TP73: variants seen among roughly 807,000 people sequenced by gnomAD.
TP73 encodes the protein p53-like transcription factor.
In TP73, 25 loss-of-function variants were observed where a neutral mutation model predicts 62.5. The observed-to-expected ratio is 0.40, with a 90% CI of 0.29 to 0.56. The LOEUF is 0.56. TP73 is among the 20% of genes least tolerant of loss of function. The probability of loss-of-function intolerance (pLI) is 0.46; values close to 1 mark genes in which losing one functional copy is unlikely to be tolerated. For synonymous variants in TP73, 423 were observed against 377.5 expected, an observed-to-expected ratio of 1.12 and a Z score of -1.40; for missense variants, 754 against 913.3, an observed-to-expected ratio of 0.83 and a Z score of 2.25.
rs974720666 is a variant in TP73 at position 3,663,258 on chromosome 1, C to T, written c.-34+10617C>T. On this transcript the variant is annotated intron_variant, in intron 1 of 13. Coordinates refer to ENST00000378295, the MANE Select transcript of TP73 (RefSeq NM_005427.4). The surrounding 1 kb of genome is among the most constrained non-coding windows in gnomAD (Gnocchi z 4.7). ...TGCCTATCACGAGCCTGGTGGCTGC[C>T]GTACCAGTAATGAAAGACAAGTTAA... Among the ~76,000 whole-genome samples, 2 of 152,146 alleles carry T rather than the reference C, an allele frequency of 1.3e-5. No individual in the cohort carries two copies. The highest frequency in any genetic ancestry group is 2.4e-5 in the African/African-American group (1 of 41,426).
At chr1:3,680,105 C>T (rs1275401050) in intron 1 of TP73, among the ~76,000 whole-genome samples, 2 of 152,176 alleles carry the variant, frequency 1.3e-5, no homozygotes, top group Non-Finnish European at 2.9e-5. Context: ...GTCTCTCTGT[C>T]TCTGTCTCTC....
rs760770761 is a variant in TP73 at position 3,672,873 on chromosome 1, C to G, written c.-33-9460C>G. Among the ~76,000 whole-genome samples the G allele has an allele frequency of 1.3e-5, 2 of 152,118 alleles. No homozygotes were observed. Among genetic ancestry groups the G allele is most frequent in the Admixed American group, 1.3e-4 (2 of 15,272 alleles). On this transcript the variant is annotated intron_variant, in intron 1 of 13. Transcript: ENST00000378295. This position sits in a 1 kb window ranked among gnomAD's most constrained non-coding sequence, Gnocchi z 5.3. ...TTAGAGGAAGCTCAGCCCATCAGGC[C>G]GCTCATGCTTCTGACCCCACCTCCA...
At chr1:3,684,809 C>T (rs573138499) in intron 3 of TP73, among the ~76,000 whole-genome samples, 2 of 148,030 alleles carry the variant, frequency 1.4e-5, no homozygotes, top group South Asian at 2.3e-4. Context: ...ACAGTGTCTG[C>T]GCGTGTTCTA....
rs912193178 is a variant in TP73, at chr1:3,666,572, G to A, written c.-34+13931G>A. ...GTGAAGGTGGGTGCGTGGGCGGGGG[G>A]CTTTTAATGGTCCCTCTGCTGGCTC... On this transcript the variant is annotated intron_variant, in intron 1 of 13. Coordinates refer to ENST00000378295, the MANE Select transcript of TP73 (RefSeq NM_005427.4). The surrounding 1 kb of genome is among the most constrained non-coding windows in gnomAD (Gnocchi z 6.4). 1.3e-5 allele frequency among the ~76,000 whole-genome samples: 2 copies of A among 152,102 alleles called. No homozygotes were observed. The highest frequency in any genetic ancestry group is 2.9e-5 in the Non-Finnish European group (2 of 68,004).
chr1:3,656,665 C>A (rs1374155479), intron 1 of TP73, among the ~76,000 whole-genome samples: 4 of 152,214 alleles, frequency 2.6e-5, no homozygotes, highest in Admixed American at 2.6e-4. Flanking sequence ...GGGACTGGGG[C>A]TGCCAAACCA....
intron 8 of TP73, 56 bp from the exon 9 acceptor site, chr1:3,728,073 A>C (rs1641822861): frequency 6.6e-7 from 1 of 1,519,386 alleles, no homozygotes; most frequent in Admixed American, 1.8e-5. Context: ...TCCCGGAAGG[A>C]GGCCTCACCC....
At chr1:3,720,995 G>A (rs1264909727) in intron 4 of TP73, among the ~76,000 whole-genome samples, 3 of 152,240 alleles carry the variant, frequency 2.0e-5, no homozygotes, top group African/African-American at 7.2e-5. Context: ...GGCATGGGGT[G>A]GCAGCAGAAG....
chr1:3,727,934 G>A (rs780161820), intron 8 of TP73, among the ~76,000 whole-genome samples, 164 bp downstream of exon 8: 1 of 152,158 alleles, frequency 6.6e-6, no homozygotes, highest in Non-Finnish European at 1.5e-5. Flanking sequence ...CATATAAGTC[G>A]CTTGTCCTGG....
At chr1:3,703,375 G>T (rs536366589) in intron 3 of TP73, among the ~76,000 whole-genome samples, 4 of 152,272 alleles carry the variant, frequency 2.6e-5, no homozygotes, top group African/African-American at 4.8e-5. Context: ...CGACATCGGG[G>T]CCCTGCCTGA....
rs868581881 is a variant in TP73 at position 3,735,570 on chromosome 1, C to A, written c.*2491C>A. 2 of 152,220 alleles carry A rather than the reference C, an allele frequency of 1.3e-5. No homozygotes were observed. The highest frequency in any genetic ancestry group is 2.9e-5 in the Non-Finnish European group (2 of 68,050). The allele number at this position is 152,220 out of a possible 1,614,324, so 9.4% of individuals were successfully genotyped here. A position where few individuals can be genotyped will look rare whatever the true frequency, so the allele number is the denominator to read the frequency against. ...GTGAAAGTAGACAGAGTTGAGACTT[C>A]GCCGTGGTCAGGAGAAAATGCAAAT... On this transcript the variant is annotated 3_prime_UTR_variant, in exon 14 of 14. Transcript: ENST00000378295.
chr1:3,714,887 G>A (rs1236593983), intron 4 of TP73, among the ~76,000 whole-genome samples: 1 of 152,242 alleles, frequency 6.6e-6, no homozygotes, highest in Non-Finnish European at 1.5e-5. Flanking sequence ...CCTGGAATAA[G>A]AGCAGATGGA....
At chr1:3,673,299 G>T (rs981873670) in intron 1 of TP73, among the ~76,000 whole-genome samples, 2 of 152,144 alleles carry the variant, frequency 1.3e-5, no homozygotes, top group Non-Finnish European at 1.5e-5. Context: ...TTCCGCCCCC[G>T]TGTGTGCAGT....
At chr1:3,674,464 G>A (rs1016904217) in intron 1 of TP73, among the ~76,000 whole-genome samples, 3 of 152,228 alleles carry the variant, frequency 2.0e-5, no homozygotes, top group African/African-American at 7.2e-5. Flanking sequence ...TGGCGGTGAG[G>A]GGGGCTCTCA....
intron 1 of TP73, among the ~76,000 whole-genome samples, chr1:3,660,943 A>T (rs1644975256): frequency 6.6e-6 from 1 of 152,232 alleles, no homozygotes. Flanking sequence ...CAACTAATAT[A>T]GAATGTATCA....
In TP73 at chr1:3,702,771, G is replaced by A. The variant is rs557060205; in HGVS notation, c.187-4778G>A. 6.6e-5 allele frequency among the ~76,000 whole-genome samples: 10 copies of A among 152,354 alleles called. No homozygotes were observed. The East Asian group carries it at 1.2e-3, about 18-fold the overall frequency. On this transcript the variant is annotated intron_variant, in intron 3 of 13. Coordinates refer to ENST00000378295, the MANE Select transcript of TP73 (RefSeq NM_005427.4). Reference sequence around the variant, plus strand: ...ACACATGTAGGCACTTGTGGCCGCCGCGGGCCGGGCGTGTCCTAATTAGCC... The same window carrying A: ...ACACATGTAGGCACTTGTGGCCGCCACGGGCCGGGCGTGTCCTAATTAGCC...
rs188173942 is a variant in TP73 at position 3,666,441 on chromosome 1, T to A, written c.-34+13800T>A. 2.6e-5 allele frequency among the ~76,000 whole-genome samples: 4 copies of A among 152,358 alleles called. No homozygotes were observed. The East Asian group carries it at 7.7e-4, about 29-fold the overall frequency. The stretch of plus-strand genomic sequence containing the variant: ...GGTGGGGTGTAATTATGGGTCATAT[T>A]GACAGTTTCACTTCTGCGGCATGCC... On this transcript the variant is annotated intron_variant, in intron 1 of 13. Transcript: ENST00000378295. This position sits in a 1 kb window ranked among gnomAD's most constrained non-coding sequence, Gnocchi z 6.4.
chr1:3,702,899 AC>A (rs1186857867), intron 3 of TP73, among the ~76,000 whole-genome samples: 3 of 151,850 alleles, frequency 2.0e-5, no homozygotes, highest in Non-Finnish European at 4.4e-5. Context: ...GTTGTGGGAG[AC>A]CCCGGGCTCC....
intron 12 of TP73, 142 bp from the exon 13 acceptor site, chr1:3,731,321 G>A: frequency 1.0e-6 from 1 of 963,766 alleles, no homozygotes; most frequent in Non-Finnish European, 1.5e-6. Context: ...CCTGAGGGAT[G>A]CCGTGGCCAC....
rs1641787773 is a variant in TP73, at chr1:3,727,736, G to A, written c.951G>A (p.Glu317=). ...ACCGGGAGCAGCAGGCCCTGAACGAGAGCTCCGCCAAGAACGGGGCCGCCA... is the reference window on the plus strand; with the variant it reads ...ACCGGGAGCAGCAGGCCCTGAACGAAAGCTCCGCCAAGAACGGGGCCGCCA... ...DHYREQQALN[E]SSAKNGAASK... is the part of the protein sequence containing the mutation. Residue 317 remains glutamate, a synonymous_variant, in exon 8 of 14, where the codon GAG becomes GAA. Coordinates refer to ENST00000378295, the MANE Select transcript of TP73 (RefSeq NM_005427.4). 1 of 1,556,606 alleles carries A rather than the reference G, an allele frequency of 6.4e-7. No individual in the cohort carries two copies. The highest frequency in any genetic ancestry group is 8.7e-7 in the Non-Finnish European group (1 of 1,151,438).
Sources: gnomAD v4.1 joint callset for allele counts (sites outside exome capture counted in the v4.1 genomes callset) on GRCh38, gnomAD v4.1.1 for gene constraint, Gnocchi (gnomAD v3.1) non-coding constraint, MANE v1.5 for transcripts, NCBI Gene and HGNC (gene_info 2026-07-23, HGNC 2026-07-21) for gene names.